Variants in MATN2 observed in about 807,000 individuals in gnomAD.
MATN2 encodes matrilin-2.
A neutral mutation model predicts 103.2 loss-of-function variants in MATN2; 69 were observed. The ratio of observed to expected loss-of-function variants is 0.67; its 90% CI spans 0.55 to 0.82. The LOEUF is 0.82. Ranked by LOEUF, MATN2 falls within the 40% of genes least tolerant of loss-of-function variation. The probability of loss-of-function intolerance (pLI) is 0.00; values close to 1 mark genes in which losing one functional copy is unlikely to be tolerated. For missense variants in MATN2, 1,023 were observed against 1,211.5 expected, an observed-to-expected ratio of 0.84 and a Z score of 2.31; for synonymous variants, 429 against 450.2, an observed-to-expected ratio of 0.95 and a Z score of 0.60.
chr8:97,870,630 A>G (rs1291286497), intron 1 of MATN2, among the ~76,000 whole-genome samples: 1 of 152,216 alleles, frequency 6.6e-6, no homozygotes, highest in Non-Finnish European at 1.5e-5. Context: ...AGGAGCTGCT[A>G]TGAGCAGTGA....
chr8:97,910,823 A>G (rs1255083973), intron 2 of MATN2, among the ~76,000 whole-genome samples: 1 of 152,150 alleles, frequency 6.6e-6, no homozygotes, highest in East Asian at 1.9e-4. Context: ...CTCTAGTAAA[A>G]TGGGGACAGT....
chr8:97,985,824 C>G (rs1314146831), intron 6 of MATN2, among the ~76,000 whole-genome samples: 2 of 152,204 alleles, frequency 1.3e-5, no homozygotes, highest in African/African-American at 2.4e-5. Flanking sequence ...CTGCCTTGGT[C>G]TCCCAAGTTT....
chr8:97,970,312 A>AAG (rs1216703867), intron 5 of MATN2, among the ~76,000 whole-genome samples: 1 of 152,198 alleles, frequency 6.6e-6, no homozygotes, highest in Non-Finnish European at 1.5e-5. Context: ...TACTGATTGA[A>AAG]GTCTGATTGA....
At chr8:97,872,211 A>C (rs1817919940) in intron 1 of MATN2, among the ~76,000 whole-genome samples, 1 of 152,348 alleles carries the variant, frequency 6.6e-6, no homozygotes, top group East Asian at 1.9e-4. Context: ...TTTATCCAAC[A>C]GTGTGTGAAG....
intron 10 of MATN2, among the ~76,000 whole-genome samples, chr8:98,012,178 G>T (rs1474232772): frequency 6.6e-6 from 1 of 151,972 alleles, no homozygotes; most frequent in South Asian, 2.1e-4. Flanking sequence ...CTTTACCCTC[G>T]TTCTCTACAA....
At chr8:97,978,775 G>A in intron 5 of MATN2, 111 bp from the exon 6 acceptor site, 1 of 1,038,394 alleles carries the variant, frequency 9.6e-7, no homozygotes, top group South Asian at 1.4e-5. Context: ...ACTCTTTTGG[G>A]GGGCAATAAT....
chr8:97,928,906 G>A (rs889202338), intron 2 of MATN2, among the ~76,000 whole-genome samples: 2 of 152,142 alleles, frequency 1.3e-5, no homozygotes, highest in Non-Finnish European at 2.9e-5. Context: ...TCTATGCAAT[G>A]GGTATGATGC....
chr8:97,949,077 T>C (rs566912348), intron 4 of MATN2, among the ~76,000 whole-genome samples: 2 of 151,636 alleles, frequency 1.3e-5, no homozygotes, highest in Non-Finnish European at 2.9e-5. Context: ...GAACAGACAC[T>C]AAACCATGGA....
At chr8:97,871,976 T>C (rs1817912006) in intron 1 of MATN2, among the ~76,000 whole-genome samples, 1 of 152,228 alleles carries the variant, frequency 6.6e-6, no homozygotes, top group Non-Finnish European at 1.5e-5. Flanking sequence ...TTACTTAGAC[T>C]CTCTGTGCCT....
In MATN2 at chr8:97,888,098, A is replaced by C. The variant is rs1368366839; in HGVS notation, c.-3A>C. The C allele has an allele frequency of 6.2e-7, 1 of 1,607,436 alleles. No homozygotes were observed. Among genetic ancestry groups the C allele is most frequent in the Non-Finnish European group, 8.5e-7 (1 of 1,177,286 alleles). On this transcript the variant is annotated 5_prime_UTR_variant, in exon 2 of 19. Coordinates refer to ENST00000254898, the MANE Select transcript of MATN2 (RefSeq NM_002380.5). ...AGCCTTGCCCCTCTTGCTCGCCTTGAAAATGGAAAAGATGCTCGCAGGCTG... is the reference window on the plus strand; with the variant it reads ...AGCCTTGCCCCTCTTGCTCGCCTTGCAAATGGAAAAGATGCTCGCAGGCTG...
At chr8:98,034,554 G>A (rs1291195988) in intron 18 of MATN2, among the ~76,000 whole-genome samples, 1 of 152,116 alleles carries the variant, frequency 6.6e-6, no homozygotes, top group Non-Finnish European at 1.5e-5. Flanking sequence ...ACGAATATGG[G>A]CTCTCATTCT....
At chr8:98,032,892 A>G (rs1021370715) in intron 16 of MATN2, 150 bp from the exon 17 acceptor site, 11 of 585,104 alleles carry the variant, frequency 1.9e-5, no homozygotes, top group Non-Finnish European at 2.7e-5. Flanking sequence ...TGTTTACTCC[A>G]CTGAAGATAA....
intron 12 of MATN2, among the ~76,000 whole-genome samples, chr8:98,018,722 T>C (rs568258095): frequency 1.2e-4 from 18 of 152,124 alleles, no homozygotes; most frequent in African/African-American, 4.3e-4. Flanking sequence ...CCATCAGATC[T>C]TGTGGAGACT....
intron 14 of MATN2, among the ~76,000 whole-genome samples, chr8:98,028,356 CAG>C (rs1404022216): frequency 6.6e-6 from 1 of 152,150 alleles, no homozygotes; most frequent in Non-Finnish European, 1.5e-5. Flanking sequence ...AATGATGGAA[CAG>C]ATTATGACTC....
intron 7 of MATN2, among the ~76,000 whole-genome samples, chr8:98,001,136 G>C (rs1404407103): frequency 1.3e-5 from 2 of 152,198 alleles, no homozygotes; most frequent in Admixed American, 6.5e-5. Context: ...CATTTCCCCT[G>C]TATCAGTTAT....
At chr8:97,903,617 G>A (rs1422508962) in intron 2 of MATN2, among the ~76,000 whole-genome samples, 3 of 152,238 alleles carry the variant, frequency 2.0e-5, no homozygotes, top group African/African-American at 7.2e-5. Flanking sequence ...ATCCTAGGCG[G>A]GAACTGGGAA....
intron 10 of MATN2, among the ~76,000 whole-genome samples, chr8:98,011,932 C>T (rs550636811): frequency 6.6e-6 from 1 of 152,328 alleles, no homozygotes; most frequent in South Asian, 2.1e-4. Flanking sequence ...TTCTAATCAT[C>T]CTGAGCACAC....
chr8:97,909,502 G>T (rs893583838), intron 2 of MATN2, among the ~76,000 whole-genome samples: 2 of 152,164 alleles, frequency 1.3e-5, no homozygotes, highest in Non-Finnish European at 2.9e-5. Context: ...TGAGTCGGGG[G>T]AAGGCCTCAG....
chr8:98,015,142 T>A (rs893701254), intron 10 of MATN2, among the ~76,000 whole-genome samples: 1 of 152,108 alleles, frequency 6.6e-6, no homozygotes, highest in African/African-American at 2.4e-5. Flanking sequence ...GACTCTTCTG[T>A]CCTATCCATA....
Sources: allele counts gnomAD v4.1 joint callset (sites outside exome capture counted in the v4.1 genomes callset), GRCh38; gene constraint gnomAD v4.1.1; transcripts MANE v1.5; gene names NCBI Gene and HGNC (gene_info 2026-07-23, HGNC 2026-07-21).